ARHGAP6: variants seen among roughly 807,000 people sequenced by gnomAD.
ARHGAP6 encodes rho GTPase-activating protein 6.
ARHGAP6 carries 16 observed loss-of-function variants against 55.7 expected under a neutral mutation model. That is an observed-to-expected ratio of 0.29 (90% CI 0.19 to 0.44). The LOEUF is 0.44. Among genes scored for constraint, ARHGAP6 ranks in the 20% least tolerant of loss-of-function variants. The pLI, the probability that ARHGAP6 is intolerant of heterozygous loss-of-function variation, is 1.00. For missense variants in ARHGAP6, 698 were observed against 808.9 expected, an observed-to-expected ratio of 0.86 and a Z score of 1.66; for synonymous variants, 382 against 360.9, an observed-to-expected ratio of 1.06 and a Z score of -0.66.
At chrX:11,273,211 T>G (rs778213736) in intron 1 of ARHGAP6, among the ~76,000 whole-genome samples, 14 of 110,776 alleles carry the variant, frequency 1.3e-4, no homozygotes, top group African/African-American at 4.3e-4. Flanking sequence ...GTTCCAAGTA[T>G]TTGATAAATT....
chrX:11,313,254 A>T (rs966990830), intron 1 of ARHGAP6, among the ~76,000 whole-genome samples: 1 of 112,269 alleles, frequency 8.9e-6, no homozygotes, highest in Non-Finnish European at 1.9e-5. Flanking sequence ...CCTTAAAAAA[A>T]TAACAACAAA....
chrX:11,242,134 C>A (rs1337054987), intron 2 of ARHGAP6, among the ~76,000 whole-genome samples: 1 of 111,760 alleles, frequency 8.9e-6, no homozygotes, highest in African/African-American at 3.2e-5. Context: ...TTTTCTATAT[C>A]ATCTTCAAGA....
At chrX:11,216,022 G>A (rs1295513316) in intron 2 of ARHGAP6, among the ~76,000 whole-genome samples, 1 of 111,480 alleles carries the variant, frequency 9.0e-6, no homozygotes, top group Non-Finnish European at 1.9e-5. Context: ...GACACGTAGT[G>A]CCTTGTTTAC....
intron 1 of ARHGAP6, among the ~76,000 whole-genome samples, chrX:11,285,523 G>A (rs892772374): frequency 8.9e-6 from 1 of 111,905 alleles, no homozygotes; most frequent in African/African-American, 3.3e-5. Context: ...CACAATCTGG[G>A]TTTACTAACT....
intron 1 of ARHGAP6, among the ~76,000 whole-genome samples, chrX:11,641,432 T>C (rs749761394): frequency 1.4e-3 from 156 of 111,801 alleles, no homozygotes; most frequent in African/African-American, 4.8e-3. Flanking sequence ...CTTGGCATAT[T>C]GACAACGGTG....
rs751752466 is a variant in ARHGAP6, at chrX:11,207,985, T to A, written c.749-10989A>T. The stretch of plus-strand genomic sequence containing the variant: ...GTACAACTACACAATAGTCATCAAT[T>A]CCCAATGTTATCGATACATTAGAAA... On this transcript the variant is annotated intron_variant, in intron 2 of 12. Coordinates refer to ENST00000337414, the MANE Select transcript of ARHGAP6 (RefSeq NM_013427.3). Among the ~76,000 whole-genome samples, 5 of 111,526 alleles carry A rather than the reference T, an allele frequency of 4.5e-5. No individual in the cohort carries two copies. In the South Asian group the frequency reaches 1.1e-3, roughly 25 times the overall value.
chrX:11,478,728 G>T (rs1290098356), intron 1 of ARHGAP6, among the ~76,000 whole-genome samples: 2 of 111,959 alleles, frequency 1.8e-5, no homozygotes, highest in Non-Finnish European at 3.8e-5. Flanking sequence ...AGATTGGGGG[G>T]TTGAGAGTTC....
intron 2 of ARHGAP6, among the ~76,000 whole-genome samples, chrX:11,234,139 T>C (rs1358122627): frequency 8.9e-6 from 1 of 112,463 alleles, no homozygotes; most frequent in African/African-American, 3.2e-5. Flanking sequence ...TGAAAGCATC[T>C]ATTGTCCAAA....
intron 1 of ARHGAP6, among the ~76,000 whole-genome samples, chrX:11,446,958 C>T (rs1305870254): frequency 8.9e-6 from 1 of 111,829 alleles, no homozygotes; most frequent in East Asian, 2.8e-4. Context: ...ATGCTAGGAA[C>T]AGATTTGCAA....
chrX:11,544,676 G>A (rs2051194249), intron 1 of ARHGAP6, among the ~76,000 whole-genome samples: 1 of 111,903 alleles, frequency 8.9e-6, no homozygotes, highest in African/African-American at 3.2e-5. Flanking sequence ...TTCTCTGGTG[G>A]AATTTAATTT....
intron 1 of ARHGAP6, among the ~76,000 whole-genome samples, chrX:11,503,280 G>C (rs1163463618): frequency 3.6e-5 from 4 of 111,507 alleles, no homozygotes; most frequent in African/African-American, 9.8e-5. Flanking sequence ...AATAAGACTT[G>C]TGAAGACTTC....
At chrX:11,513,300 A>C (rs1340786584) in intron 1 of ARHGAP6, among the ~76,000 whole-genome samples, 1 of 111,596 alleles carries the variant, frequency 9.0e-6, no homozygotes, top group African/African-American at 3.3e-5. Flanking sequence ...CCAACAAAAA[A>C]ACCCACAAGA....
chrX:11,435,383 T>A (rs2049978056), intron 1 of ARHGAP6, among the ~76,000 whole-genome samples: 1 of 112,323 alleles, frequency 8.9e-6, no homozygotes, highest in African/African-American at 3.2e-5. Context: ...GGAAAGATAA[T>A]AAGATTTCTT....
chrX:11,648,630 C>A (rs1267761389), intron 1 of ARHGAP6, among the ~76,000 whole-genome samples: 1 of 111,869 alleles, frequency 8.9e-6, no homozygotes, highest in Non-Finnish European at 1.9e-5. Flanking sequence ...TACCCTCAAC[C>A]AATTCATTTC....
chrX:11,335,822 C>T (rs934120744), intron 1 of ARHGAP6: 7 of 253,272 alleles, frequency 2.8e-5, no homozygotes, highest in Middle Eastern at 1.5e-3. Context: ...GGAGCTGGCT[C>T]TGGCAGAGGC....
chrX:11,306,755 A>G (rs965914981), intron 1 of ARHGAP6, among the ~76,000 whole-genome samples: 3 of 112,460 alleles, frequency 2.7e-5, no homozygotes, highest in Non-Finnish European at 5.6e-5. Flanking sequence ...ATTCAACTCC[A>G]TTAGAGTCAT....
intron 1 of ARHGAP6, among the ~76,000 whole-genome samples, chrX:11,610,351 C>G (rs2052088328): frequency 9.0e-6 from 1 of 111,230 alleles, no homozygotes; most frequent in Non-Finnish European, 1.9e-5. Context: ...ATCTCACATA[C>G]ACCATTTCAT....
At chrX:11,477,475 C>T (rs1470769313) in intron 1 of ARHGAP6, among the ~76,000 whole-genome samples, 1 of 111,556 alleles carries the variant, frequency 9.0e-6, no homozygotes, top group Admixed American at 9.5e-5. Flanking sequence ...CATACGCTTA[C>T]CATATATCCC....
At chrX:11,239,419 C>T (rs2047245546) in intron 2 of ARHGAP6, among the ~76,000 whole-genome samples, 1 of 111,156 alleles carries the variant, frequency 9.0e-6, no homozygotes, top group Non-Finnish European at 1.9e-5. Context: ...GACTCACAAG[C>T]CAGGCTGAAA....
Sources: gnomAD v4.1 joint callset for allele counts (sites outside exome capture counted in the v4.1 genomes callset) on GRCh38, gnomAD v4.1.1 for gene constraint, MANE v1.5 for transcripts, NCBI Gene and HGNC (gene_info 2026-07-23, HGNC 2026-07-21) for gene names.